The following THEMIS variants were observed in gnomAD, a reference collection of about 807,000 sequenced individuals.
THEMIS encodes protein THEMIS.
In THEMIS, 37 loss-of-function variants were observed where a neutral mutation model predicts 52.6. The ratio of observed to expected loss-of-function variants is 0.70; its 90% CI spans 0.54 to 0.93. THEMIS has a LOEUF of 0.93. THEMIS is among the 40% of genes least tolerant of loss of function. The probability of loss-of-function intolerance (pLI) is 0.00; values close to 1 mark genes in which losing one functional copy is unlikely to be tolerated. For synonymous variants in THEMIS, 292 were observed against 272.7 expected, an observed-to-expected ratio of 1.07 and a Z score of -0.70; for missense variants, 808 against 763.1, an observed-to-expected ratio of 1.06 and a Z score of -0.69.
intron 1 of THEMIS, among the ~76,000 whole-genome samples, chr6:127,882,921 T>A (rs562194138): frequency 6.6e-6 from 1 of 151,960 alleles, no homozygotes; most frequent in Non-Finnish European, 1.5e-5. Flanking sequence ...AAAGTAGGCA[T>A]GATTTTTGCT....
At chr6:127,812,337 G>A (rs989257368) in intron 4 of THEMIS, among the ~76,000 whole-genome samples, 1 of 152,116 alleles carries the variant, frequency 6.6e-6, no homozygotes, top group African/African-American at 2.4e-5. Context: ...TAAAGATTAC[G>A]ATTCTAAGAT....
At chr6:127,878,901 G>T (rs1220412807) in intron 1 of THEMIS, among the ~76,000 whole-genome samples, 1 of 152,116 alleles carries the variant, frequency 6.6e-6, no homozygotes, top group Non-Finnish European at 1.5e-5. Context: ...CAGATGAATG[G>T]CATCTATCAG....
chr6:127,901,821 C>T (rs1781141369), upstream of THEMIS, among the ~76,000 whole-genome samples: 1 of 151,930 alleles, frequency 6.6e-6, no homozygotes, highest in African/African-American at 2.4e-5. Flanking sequence ...TTTATAATTT[C>T]TTCCAAGTTC....
At chr6:127,710,391 T>C (rs1178265446) in intron 5 of THEMIS, among the ~76,000 whole-genome samples, 2 of 151,956 alleles carry the variant, frequency 1.3e-5, no homozygotes, top group Non-Finnish European at 2.9e-5. Context: ...AGCAATCACA[T>C]AGCTAGTAAG....
Position 127,755,852 on chromosome 6 carries a change from C to T in THEMIS, c.1759-36029G>A, listed in dbSNP as rs9491865. Among the ~76,000 whole-genome samples, 229 of 152,026 alleles carry T rather than the reference C, an allele frequency of 1.5e-3. 1 individual carries two copies. The highest frequency in any genetic ancestry group is 4.9e-3 in the African/African-American group (204 of 41,472). On this transcript the variant is annotated intron_variant, in intron 4 of 5. Transcript: ENST00000368248. ...GACCAGCCTGGCCAAAATGGAGAAACCCTGTCTCTACTAAAAATACAAAAA... is the reference window on the plus strand; with the variant it reads ...GACCAGCCTGGCCAAAATGGAGAAATCCTGTCTCTACTAAAAATACAAAAA...
chr6:127,822,535 T>C (rs1271508034), intron 3 of THEMIS, among the ~76,000 whole-genome samples: 1 of 152,100 alleles, frequency 6.6e-6, no homozygotes, highest in African/African-American at 2.4e-5. Flanking sequence ...AGTTTATTTG[T>C]AACACTACTT....
At chr6:127,782,509 C>G (rs1161100585) in intron 4 of THEMIS, among the ~76,000 whole-genome samples, 4 of 152,176 alleles carry the variant, frequency 2.6e-5, no homozygotes, top group Non-Finnish European at 5.9e-5. Context: ...ATGCACCATT[C>G]CTCATGACAC....
intron 4 of THEMIS, among the ~76,000 whole-genome samples, chr6:127,755,299 T>C (rs1387932169): frequency 6.6e-6 from 1 of 152,194 alleles, no homozygotes. Context: ...AAAGTTCTTG[T>C]TAGGGATTGG....
intron 4 of THEMIS, among the ~76,000 whole-genome samples, chr6:127,721,578 G>T (rs1774363729): frequency 1.3e-5 from 2 of 151,956 alleles, no homozygotes; most frequent in South Asian, 4.1e-4. Context: ...CAGCTCAAAA[G>T]ATCAGTTTGG....
intron 1 of THEMIS, among the ~76,000 whole-genome samples, chr6:127,856,684 A>G (rs890800188): frequency 4.6e-5 from 7 of 151,990 alleles, no homozygotes; most frequent in Non-Finnish European, 5.9e-5. Context: ...CTTCCGGTAC[A>G]TATTTCCATA....
chr6:127,740,508 G>A (rs1775164336), intron 4 of THEMIS, among the ~76,000 whole-genome samples: 1 of 152,176 alleles, frequency 6.6e-6, no homozygotes, highest in Non-Finnish European at 1.5e-5. Flanking sequence ...AGTCCAACTG[G>A]TTCTCCTGAA....
At chr6:127,716,374 T>A (rs1395614321) in intron 5 of THEMIS, among the ~76,000 whole-genome samples, 1 of 151,636 alleles carries the variant, frequency 6.6e-6, no homozygotes, top group Admixed American at 6.6e-5. Context: ...TAAATAATCA[T>A]CCTCTTGTAC....
intron 4 of THEMIS, among the ~76,000 whole-genome samples, chr6:127,796,203 A>T (rs1263569565): frequency 1.3e-5 from 2 of 152,140 alleles, no homozygotes; most frequent in Non-Finnish European, 2.9e-5. Flanking sequence ...TAAGCAAAAA[A>T]CTAATGTGGG....
At chr6:127,885,268 T>C (rs998471574) in intron 1 of THEMIS, among the ~76,000 whole-genome samples, 2 of 152,138 alleles carry the variant, frequency 1.3e-5, no homozygotes, top group Admixed American at 6.6e-5. Context: ...AAAACTTGCA[T>C]AACCTTCTAA....
intron 3 of THEMIS, among the ~76,000 whole-genome samples, chr6:127,828,610 C>T (rs897874274): frequency 6.6e-6 from 1 of 152,192 alleles, no homozygotes; most frequent in Non-Finnish European, 1.5e-5. Context: ...ACAATGCTCT[C>T]TCCAGATATT....
intron 4 of THEMIS, among the ~76,000 whole-genome samples, chr6:127,754,576 G>T (rs903940777): frequency 6.6e-6 from 1 of 152,118 alleles, no homozygotes; most frequent in Non-Finnish European, 1.5e-5. Context: ...ACTCTCCCTC[G>T]ATGAAATAAT....
intron 4 of THEMIS, among the ~76,000 whole-genome samples, chr6:127,746,144 T>C (rs1775380939): frequency 1.3e-5 from 2 of 151,872 alleles, no homozygotes; most frequent in African/African-American, 4.8e-5. Context: ...TTCCAAGGAA[T>C]AATTATCTAT....
At chr6:127,885,828 TG>T (rs1780628121) in intron 1 of THEMIS, among the ~76,000 whole-genome samples, 1 of 152,276 alleles carries the variant, frequency 6.6e-6, no homozygotes, top group Non-Finnish European at 1.5e-5. Flanking sequence ...TACAAATGTG[TG>T]TGTGGCTTCA....
At chr6:127,885,012 C>A (rs1027931099) in intron 1 of THEMIS, among the ~76,000 whole-genome samples, 1 of 152,140 alleles carries the variant, frequency 6.6e-6, no homozygotes, top group African/African-American at 2.4e-5. Context: ...CTCCTTTAAC[C>A]TAATCACTTC....
Sources: allele counts gnomAD v4.1 joint callset (sites outside exome capture counted in the v4.1 genomes callset), GRCh38; gene constraint gnomAD v4.1.1; transcripts MANE v1.5; gene names NCBI Gene and HGNC (gene_info 2026-07-23, HGNC 2026-07-21).